Variants in DIS3L2 observed in about 807,000 individuals in gnomAD.
DIS3L2 encodes the protein DIS3-like exonuclease 2.
DIS3L2 carries 34 observed loss-of-function variants against 97.5 expected under a neutral mutation model. That is an observed-to-expected ratio of 0.35 (90% CI 0.27 to 0.46). The LOEUF (loss-of-function observed/expected upper bound fraction) is 0.46. Among genes scored for constraint, DIS3L2 ranks in the 20% least tolerant of loss-of-function variants. DIS3L2 has a pLI of 1.00. For missense variants in DIS3L2, 1,038 were observed against 1,146.0 expected (o/e 0.91, Z 1.36); for synonymous variants, 435 against 445.2 (o/e 0.98, Z 0.29).
chr2:232,294,125 C>A (rs940787627), intron 13 of DIS3L2, among the ~76,000 whole-genome samples: 7 of 152,230 alleles, frequency 4.6e-5, no homozygotes, highest in African/African-American at 1.7e-4. Context: ...AAGCACTCAA[C>A]AAGCATCCCC....
At chr2:232,017,329 C>T (rs185509303) in intron 3 of DIS3L2, among the ~76,000 whole-genome samples, 1 of 152,212 alleles carries the variant, frequency 6.6e-6, no homozygotes, top group Non-Finnish European at 1.5e-5. Flanking sequence ...CAACTCCTGA[C>T]CTCAAGTGAT....
chr2:232,333,382 GC>G (rs985149146), intron 16 of DIS3L2, among the ~76,000 whole-genome samples: 1 of 144,624 alleles, frequency 6.9e-6, no homozygotes, highest in Non-Finnish European at 1.5e-5. Flanking sequence ...AGCAGCCCCG[GC>G]CCCATGCTGG....
chr2:232,319,293 G>C (rs1695363146), intron 14 of DIS3L2, among the ~76,000 whole-genome samples: 1 of 152,246 alleles, frequency 6.6e-6, no homozygotes, highest in Non-Finnish European at 1.5e-5. Flanking sequence ...CTACGTATAA[G>C]CATGTCCTGG....
intron 14 of DIS3L2, among the ~76,000 whole-genome samples, chr2:232,323,355 A>G (rs1321687126): frequency 6.6e-6 from 1 of 152,228 alleles, no homozygotes; most frequent in East Asian, 1.9e-4. Context: ...GCTCCCAGCA[A>G]GTCTCCTTTC....
intron 5 of DIS3L2, among the ~76,000 whole-genome samples, chr2:232,078,224 A>G (rs1399857141): frequency 1.3e-5 from 2 of 151,622 alleles, no homozygotes; most frequent in Middle Eastern, 3.2e-3. Flanking sequence ...TTGTATTTTT[A>G]ATAGAGATGG....
chr2:232,006,274 G>A (rs546769968), intron 1 of DIS3L2, among the ~76,000 whole-genome samples: 2 of 152,328 alleles, frequency 1.3e-5, no homozygotes, highest in East Asian at 1.9e-4. Flanking sequence ...AAAGAGATTC[G>A]TGAGTGAGAG....
intron 8 of DIS3L2, among the ~76,000 whole-genome samples, chr2:232,155,349 C>T (rs1308996130): frequency 1.3e-5 from 2 of 152,174 alleles, no homozygotes; most frequent in South Asian, 2.1e-4. Context: ...TCCCACCACT[C>T]CATTCATGGA....
chr2:232,003,391 T>A (rs758663674), intron 1 of DIS3L2, among the ~76,000 whole-genome samples: 5 of 152,238 alleles, frequency 3.3e-5, no homozygotes, highest in Non-Finnish European at 5.9e-5. Flanking sequence ...GAAATTTTTT[T>A]TGGCCTGCTA....
intron 6 of DIS3L2, among the ~76,000 whole-genome samples, chr2:232,117,139 C>T (rs140244091): frequency 1.2e-4 from 18 of 152,270 alleles, no homozygotes; most frequent in African/African-American, 4.1e-4. Context: ...GGCCTCATTG[C>T]ACCTTTTCTT....
At chr2:232,246,908 A>ATGCTTGC (rs1248387477) in intron 11 of DIS3L2, among the ~76,000 whole-genome samples, 136,081 of 148,468 alleles carry the variant, frequency 0.92, 62,902 homozygotes, top group East Asian at 0.98. Context: ...TTATTTTGGA[A>ATGCTTGC]ATAGCTAAAC....
At chr2:232,177,120 A>G (rs1691189921) in intron 9 of DIS3L2, among the ~76,000 whole-genome samples, 2 of 147,074 alleles carry the variant, frequency 1.4e-5, no homozygotes. Context: ...CCATGTCCCT[A>G]CAAAGGACAT....
At chr2:232,299,531 C>A (rs1218300925) in intron 13 of DIS3L2, among the ~76,000 whole-genome samples, 1 of 152,254 alleles carries the variant, frequency 6.6e-6, no homozygotes, top group South Asian at 2.1e-4. Context: ...ACCCTCTCCA[C>A]TCCCCATCCC....
At chr2:232,186,437 C>G (rs1252577212) in intron 9 of DIS3L2, among the ~76,000 whole-genome samples, 1 of 152,166 alleles carries the variant, frequency 6.6e-6, no homozygotes, top group Non-Finnish European at 1.5e-5. Context: ...AGGAAATCTT[C>G]AAGCCCAGAT....
chr2:232,159,545 C>T (rs559402810), intron 8 of DIS3L2, among the ~76,000 whole-genome samples: 96 of 152,310 alleles, frequency 6.3e-4, no homozygotes, highest in African/African-American at 1.6e-3. Context: ...ACTTCCATGA[C>T]GGGAATTGTA....
At chr2:232,315,291 AC>A (rs1695239701) in intron 14 of DIS3L2, among the ~76,000 whole-genome samples, 1 of 151,504 alleles carries the variant, frequency 6.6e-6, no homozygotes, top group African/African-American at 2.4e-5. Context: ...TGCTGTAAAA[AC>A]CCTCACTCCG....
rs75664912 is a variant in DIS3L2 at position 232,189,185 on chromosome 2, T to TA, written c.1125-21135dup. On this transcript the variant is annotated intron_variant, in intron 9 of 20. Transcript: ENST00000325385. ...CTCTGGAAACACTTTGGCAGTTTCT[T>TA]AAAAAACTAAACACAACCCGGTAAT... 0.045 allele frequency among the ~76,000 whole-genome samples: 6,826 copies of TA among 152,188 alleles called. 828 individuals are homozygous for TA. The East Asian group carries it at 0.47, about 10-fold the overall frequency.
intron 13 of DIS3L2, among the ~76,000 whole-genome samples, chr2:232,284,683 G>GT (rs1170163827): frequency 6.6e-6 from 1 of 152,096 alleles, no homozygotes; most frequent in East Asian, 1.9e-4. Flanking sequence ...CTAAAGGTCT[G>GT]TTTTTTTCCC....
intron 8 of DIS3L2, among the ~76,000 whole-genome samples, chr2:232,148,605 T>G (rs1172630160): frequency 6.6e-6 from 1 of 152,124 alleles, no homozygotes. Context: ...TAAAATATAA[T>G]TTTGTCTTTA....
intron 8 of DIS3L2, among the ~76,000 whole-genome samples, chr2:232,141,117 A>G (rs1402310393): frequency 6.6e-6 from 1 of 152,188 alleles, no homozygotes; most frequent in Non-Finnish European, 1.5e-5. Context: ...CCAACCTCTT[A>G]AATCATCTTT....
Sources: gnomAD v4.1 joint callset for allele counts (sites outside exome capture counted in the v4.1 genomes callset) on GRCh38, gnomAD v4.1.1 for gene constraint, MANE v1.5 for transcripts, NCBI Gene and HGNC (gene_info 2026-07-23, HGNC 2026-07-21) for gene names.